The following EPHA6 variants were observed in gnomAD, a reference collection of about 807,000 sequenced individuals.
The protein encoded by EPHA6 is ephrin type-A receptor 6.
A neutral mutation model predicts 112.0 loss-of-function variants in EPHA6; 50 were observed. That is an observed-to-expected ratio of 0.45 (90% CI 0.36 to 0.56). The LOEUF (loss-of-function observed/expected upper bound fraction) is 0.56, where lower values mean the gene tolerates loss of function less well. Among genes scored for constraint, EPHA6 ranks in the 20% least tolerant of loss-of-function variants. The pLI is 0.00. For missense variants in EPHA6, 1,280 were observed against 1,417.4 expected, an observed-to-expected ratio of 0.90 and a Z score of 1.56; for synonymous variants, 529 against 490.7, an observed-to-expected ratio of 1.08 and a Z score of -1.03.
At chr3:97,336,843 G>A (rs1038668510) in intron 5 of EPHA6, among the ~76,000 whole-genome samples, 1 of 151,540 alleles carries the variant, frequency 6.6e-6, no homozygotes, top group African/African-American at 2.4e-5. Context: ...GTTTTTCATT[G>A]TCACACATTT....
intron 2 of EPHA6, among the ~76,000 whole-genome samples, chr3:96,940,366 C>G (rs2040865575): frequency 6.6e-6 from 1 of 152,082 alleles, no homozygotes; most frequent in Non-Finnish European, 1.5e-5. Flanking sequence ...CCTTATTTGT[C>G]TCTTTTTATC....
intron 3 of EPHA6, among the ~76,000 whole-genome samples, chr3:97,196,079 C>T (rs2077433584): frequency 1.3e-5 from 2 of 150,706 alleles, no homozygotes; most frequent in South Asian, 4.2e-4. Context: ...CTACCCAGAT[C>T]TCTCTCTCTA....
chr3:96,841,276 G>A (rs1192692854), intron 1 of EPHA6, among the ~76,000 whole-genome samples: 3 of 152,078 alleles, frequency 2.0e-5, no homozygotes, highest in Non-Finnish European at 2.9e-5. Context: ...AATCAGATAT[G>A]CATTTATCTC....
At chr3:96,835,742 G>C (rs950371072) in intron 1 of EPHA6, among the ~76,000 whole-genome samples, 7 of 151,982 alleles carry the variant, frequency 4.6e-5, no homozygotes, top group African/African-American at 1.7e-4. Context: ...ATTTATCTCT[G>C]TAAACAAGAC....
At chr3:97,538,973 C>A (rs1399312588) in intron 11 of EPHA6, among the ~76,000 whole-genome samples, 1 of 147,292 alleles carries the variant, frequency 6.8e-6, no homozygotes, top group Non-Finnish European at 1.5e-5. Context: ...ATACTGGACA[C>A]TTTCTCTCTC....
chr3:97,087,072 G>A (rs922616504), intron 3 of EPHA6, among the ~76,000 whole-genome samples: 1 of 152,128 alleles, frequency 6.6e-6, no homozygotes, highest in Non-Finnish European at 1.5e-5. Context: ...CACTACTCCT[G>A]CCAGACAGAA....
intron 14 of EPHA6, among the ~76,000 whole-genome samples, chr3:97,698,925 T>C (rs2033203333): frequency 6.6e-6 from 1 of 152,214 alleles, no homozygotes; most frequent in Non-Finnish European, 1.5e-5. Context: ...CTGTGAAGAA[T>C]TATTATCTCT....
At chr3:97,212,851 C>CTG (rs1400108260) in intron 3 of EPHA6, among the ~76,000 whole-genome samples, 2 of 151,864 alleles carry the variant, frequency 1.3e-5, no homozygotes, top group African/African-American at 4.8e-5. Context: ...GTTAGTTTTC[C>CTG]TGTGTGTGTG....
At chr3:97,200,201 T>C (rs1373691772) in intron 3 of EPHA6, among the ~76,000 whole-genome samples, 1 of 152,074 alleles carries the variant, frequency 6.6e-6, no homozygotes, top group Admixed American at 6.6e-5. Flanking sequence ...AAAAGTTTGA[T>C]AGTGATATTA....
chr3:97,431,123 T>G (rs1441718611), intron 6 of EPHA6, among the ~76,000 whole-genome samples: 1 of 152,110 alleles, frequency 6.6e-6, no homozygotes, highest in East Asian at 1.9e-4. Context: ...TCTTGGTAAT[T>G]TTTTACACTA....
At chr3:97,665,197 T>G (rs2029893644) in intron 14 of EPHA6, among the ~76,000 whole-genome samples, 1 of 152,052 alleles carries the variant, frequency 6.6e-6, no homozygotes, top group Non-Finnish European at 1.5e-5. Flanking sequence ...TTGACAAACC[T>G]GACAAAAACA....
chr3:97,561,086 C>T (rs1458425777), intron 11 of EPHA6, among the ~76,000 whole-genome samples: 1 of 151,932 alleles, frequency 6.6e-6, no homozygotes, highest in African/African-American at 2.4e-5. Flanking sequence ...CACCAATCAG[C>T]CATTCCTCCA....
At chr3:96,970,754 C>A (rs918028180) in intron 2 of EPHA6, among the ~76,000 whole-genome samples, 4 of 152,062 alleles carry the variant, frequency 2.6e-5, no homozygotes, top group Non-Finnish European at 5.9e-5. Context: ...TGATTCAAAG[C>A]CTTCATGTGG....
intron 13 of EPHA6, among the ~76,000 whole-genome samples, chr3:97,633,872 A>T (rs1381384312): frequency 2.0e-5 from 3 of 152,122 alleles, no homozygotes; most frequent in Non-Finnish European, 4.4e-5. Flanking sequence ...TTTGTGCTAT[A>T]CCTCATGTAT....
chr3:96,842,661 G>C (rs1432349994), intron 1 of EPHA6, among the ~76,000 whole-genome samples: 1 of 151,774 alleles, frequency 6.6e-6, no homozygotes, highest in African/African-American at 2.4e-5. Flanking sequence ...TACCTTTAAG[G>C]GTTAATTACA....
intron 7 of EPHA6, among the ~76,000 whole-genome samples, chr3:97,470,537 G>A (rs539845045): frequency 9.5e-4 from 144 of 151,738 alleles, no homozygotes; most frequent in Non-Finnish European, 1.7e-3. Flanking sequence ...TGATTACAGG[G>A]AGACAAAATC....
intron 5 of EPHA6, among the ~76,000 whole-genome samples, chr3:97,259,016 C>G (rs2079409169): frequency 6.6e-6 from 1 of 152,148 alleles, no homozygotes; most frequent in African/African-American, 2.4e-5. Flanking sequence ...CTGCTAGAGG[C>G]TCTACATTGT....
intron 3 of EPHA6, among the ~76,000 whole-genome samples, chr3:97,224,051 C>T (rs749409648): frequency 1.7e-4 from 26 of 151,710 alleles, no homozygotes; most frequent in South Asian, 1.7e-3. Flanking sequence ...ATTTAAAATC[C>T]AAGGAATGTA....
Position 97,448,743 on chromosome 3 carries a change from C to T in EPHA6, c.1894+13C>T, listed in dbSNP as rs777728626. 4 of 1,611,612 alleles carry T rather than the reference C, an allele frequency of 2.5e-6. No homozygotes were observed. Among genetic ancestry groups the T allele is most frequent in the South Asian group, 2.2e-5 (2 of 91,050 alleles). On this transcript the variant is annotated intron_variant, in intron 7 of 17. Transcript: ENST00000389672. ...ACAGGAGATGAAAGTAAGTTTCACA[C>T]AAGGATATAACATAAGATGTGAATT...
Sources: allele counts gnomAD v4.1 joint callset (sites outside exome capture counted in the v4.1 genomes callset), GRCh38; gene constraint gnomAD v4.1.1; transcripts MANE v1.5; gene names NCBI Gene and HGNC (gene_info 2026-07-23, HGNC 2026-07-21).